The following PTPN4 variants were observed in gnomAD, a reference collection of about 807,000 sequenced individuals.
The protein encoded by PTPN4 is protein tyrosine phosphatase non-receptor type 4.
Under a neutral mutation model 135.5 loss-of-function variants are expected in PTPN4, and 49 were observed. That is an observed-to-expected ratio of 0.36 (90% CI 0.29 to 0.46). The LOEUF (loss-of-function observed/expected upper bound fraction) is 0.46, where lower values mean the gene tolerates loss of function less well. Ranked by LOEUF, PTPN4 falls within the 20% of genes least tolerant of loss-of-function variation. PTPN4 has a pLI of 1.00. For synonymous variants in PTPN4, 333 were observed against 369.9 expected, an observed-to-expected ratio of 0.90 and a Z score of 1.14; for missense variants, 860 against 1,101.0, an observed-to-expected ratio of 0.78 and a Z score of 3.10.
chr2:119,815,502 G>A (rs1028853918), intron 2 of PTPN4, among the ~76,000 whole-genome samples: 3 of 152,122 alleles, frequency 2.0e-5, no homozygotes, highest in Admixed American at 1.3e-4. Context: ...TTTCATCCAT[G>A]TATTGGTGTA....
At chr2:119,873,616 C>T (rs1003151756) in intron 3 of PTPN4, among the ~76,000 whole-genome samples, 3 of 152,142 alleles carry the variant, frequency 2.0e-5, no homozygotes, top group Admixed American at 6.6e-5. Context: ...AGAAACAGAG[C>T]TCCATCCCTA....
intron 10 of PTPN4, 151 bp downstream of exon 10, chr2:119,900,957 C>T (rs1678393378): frequency 4.8e-6 from 2 of 419,288 alleles, no homozygotes; most frequent in Non-Finnish European, 8.5e-6. Context: ...TAGCACCTAC[C>T]AGAAGACACC....
At chr2:119,910,026 G>A (rs973369909) in intron 10 of PTPN4, among the ~76,000 whole-genome samples, 1 of 152,148 alleles carries the variant, frequency 6.6e-6, no homozygotes, top group Admixed American at 6.5e-5. Flanking sequence ...TGTGAGCATT[G>A]TTTAAATGAC....
chr2:119,868,573 G>C (rs1050357723), intron 3 of PTPN4, among the ~76,000 whole-genome samples: 1 of 152,184 alleles, frequency 6.6e-6, no homozygotes, highest in Non-Finnish European at 1.5e-5. Flanking sequence ...GGAAGGTTGT[G>C]GGTTTACCGG....
At chr2:119,952,237 G>A (rs1679221092) in intron 19 of PTPN4, 108 bp downstream of exon 19, 8 of 1,064,458 alleles carry the variant, frequency 7.5e-6, no homozygotes, top group Non-Finnish European at 1.1e-5. Context: ...TAAGTTTCCT[G>A]CTCAAAGCAC....
intron 18 of PTPN4, among the ~76,000 whole-genome samples, chr2:119,949,628 C>T (rs1056058819): frequency 2.6e-5 from 4 of 152,050 alleles, no homozygotes; most frequent in African/African-American, 9.7e-5. Context: ...ATTGTTTGAG[C>T]TCAGGAGTTG....
At chr2:119,954,456 A>C (rs1159032928) in intron 19 of PTPN4, among the ~76,000 whole-genome samples, 1 of 152,114 alleles carries the variant, frequency 6.6e-6, no homozygotes, top group African/African-American at 2.4e-5. Context: ...CCGTTCTCTC[A>C]AGGTGGGTTC....
chr2:119,826,864 A>C (rs1033400710), intron 2 of PTPN4, among the ~76,000 whole-genome samples: 1 of 152,036 alleles, frequency 6.6e-6, no homozygotes, highest in African/African-American at 2.4e-5. Flanking sequence ...CTTCTCTACA[A>C]AAATAAAAAA....
intron 1 of PTPN4, among the ~76,000 whole-genome samples, chr2:119,803,826 G>C (rs916719431): frequency 2.0e-5 from 3 of 151,320 alleles, no homozygotes; most frequent in African/African-American, 7.3e-5. Context: ...TTGCAGCTCT[G>C]TTGGTTGGTA....
chr2:119,767,382 C>A (rs1690647118), intron 1 of PTPN4, among the ~76,000 whole-genome samples: 2 of 152,198 alleles, frequency 1.3e-5, no homozygotes, highest in Non-Finnish European at 2.9e-5. Flanking sequence ...AGACATGATC[C>A]CTATCACTAC....
At chr2:119,841,449 T>C (rs961288812) in intron 2 of PTPN4, among the ~76,000 whole-genome samples, 2 of 152,208 alleles carry the variant, frequency 1.3e-5, no homozygotes, top group African/African-American at 4.8e-5. Context: ...CCTCTTTCTG[T>C]ATGCTTTTTA....
intron 10 of PTPN4, among the ~76,000 whole-genome samples, chr2:119,902,822 C>A (rs968400309): frequency 1.3e-5 from 2 of 152,114 alleles, no homozygotes; most frequent in Non-Finnish European, 1.5e-5. Context: ...CCTCATGGGC[C>A]GTGAGACTAG....
intron 1 of PTPN4, among the ~76,000 whole-genome samples, chr2:119,765,622 A>C (rs1690600677): frequency 6.6e-6 from 1 of 152,186 alleles, no homozygotes; most frequent in African/African-American, 2.4e-5. Context: ...CAGTGGTATA[A>C]AGGTAAATAA....
intron 2 of PTPN4, among the ~76,000 whole-genome samples, chr2:119,818,832 G>T (rs1677025662): frequency 6.6e-6 from 1 of 152,154 alleles, no homozygotes; most frequent in Admixed American, 6.6e-5. Context: ...TCCTAGGACA[G>T]AGTTTGTCTA....
intron 5 of PTPN4, among the ~76,000 whole-genome samples, chr2:119,880,601 T>G (rs1678056862): frequency 6.6e-6 from 1 of 151,602 alleles, no homozygotes; most frequent in Non-Finnish European, 1.5e-5. Flanking sequence ...GGCTAATTTT[T>G]TTTTTTTTGT....
chr2:119,920,875 G>A (rs897206521), intron 12 of PTPN4, among the ~76,000 whole-genome samples: 3 of 152,210 alleles, frequency 2.0e-5, no homozygotes, highest in African/African-American at 7.2e-5. Flanking sequence ...TAGTTTTTAA[G>A]TGGAACCTGG....
intron 2 of PTPN4, among the ~76,000 whole-genome samples, chr2:119,818,111 G>C (rs1230168416): frequency 4.6e-5 from 7 of 152,160 alleles, no homozygotes; most frequent in Admixed American, 4.6e-4. Flanking sequence ...CTGCAAACAG[G>C]GTTAGTTTGA....
At chr2:119,901,222 A>G (rs1678399013) in intron 10 of PTPN4, among the ~76,000 whole-genome samples, 1 of 152,228 alleles carries the variant, frequency 6.6e-6, no homozygotes, top group Non-Finnish European at 1.5e-5. Context: ...GAAGCACCGA[A>G]GATCGCAGCC....
chr2:119,901,162 A>G (rs990032985), intron 10 of PTPN4, among the ~76,000 whole-genome samples: 2 of 152,182 alleles, frequency 1.3e-5, no homozygotes, highest in African/African-American at 4.8e-5. Flanking sequence ...GAAATACCCA[A>G]TTTAGACCCC....
Sources: gnomAD v4.1 joint callset for allele counts (sites outside exome capture counted in the v4.1 genomes callset) on GRCh38, gnomAD v4.1.1 for gene constraint, MANE v1.5 for transcripts, NCBI Gene and HGNC (gene_info 2026-07-23, HGNC 2026-07-21) for gene names.